TRHDE: variants seen among roughly 807,000 people sequenced by gnomAD.
TRHDE encodes the protein thyrotropin releasing hormone degrading enzyme, also known as thyrotropin-releasing hormone-degrading ectoenzyme.
A neutral mutation model predicts 125.7 loss-of-function variants in TRHDE; 72 were observed. That is an observed-to-expected ratio of 0.57 (90% CI 0.47 to 0.70). TRHDE has a LOEUF of 0.70. Among genes scored for constraint, TRHDE ranks in the 30% least tolerant of loss-of-function variants. The pLI, the probability that TRHDE is intolerant of heterozygous loss-of-function variation, is 0.00. For missense variants in TRHDE, 1,110 were observed against 1,327.1 expected (o/e 0.84, Z 2.54); for synonymous variants, 509 against 509.1 (o/e 1.00, Z 0.00).
chr12:72,411,133 G>T (rs1367837863), intron 3 of TRHDE, among the ~76,000 whole-genome samples: 1 of 151,338 alleles, frequency 6.6e-6, no homozygotes, highest in Non-Finnish European at 1.5e-5. Context: ...AACCCAGGAG[G>T]CGGAGCTTGC....
chr12:72,313,715 C>T (rs575576577), intron 2 of TRHDE, among the ~76,000 whole-genome samples: 2 of 152,112 alleles, frequency 1.3e-5, no homozygotes, highest in African/African-American at 2.4e-5. Context: ...TTCTACAAGT[C>T]TTGTGAAAGC....
At chr12:72,443,192 CTGTGTGTGTGTGTGTGTGTGTGTG>C in intron 3 of TRHDE, among the ~76,000 whole-genome samples, 1 of 144,532 alleles carries the variant, frequency 6.9e-6, no homozygotes, top group African/African-American at 2.5e-5. Context: ...TACTTCTTTC[CTGTGTGTGTGTGTGTGTGTGTGTG>C]TGTGTGTGTG....
chr12:72,569,902 A>T (rs1565793939), intron 10 of TRHDE, among the ~76,000 whole-genome samples: 1 of 151,942 alleles, frequency 6.6e-6, no homozygotes, highest in Non-Finnish European at 1.5e-5. Flanking sequence ...GTATTATTTG[A>T]TTTTGTATTT....
At chr12:72,145,450 A>G (rs1876206145) in intron 2 of TRHDE, among the ~76,000 whole-genome samples, 1 of 152,210 alleles carries the variant, frequency 6.6e-6, no homozygotes, top group Non-Finnish European at 1.5e-5. Flanking sequence ...ACAACACTGC[A>G]AAAATGCTAC....
chr12:72,318,278 T>C lies in TRHDE; in HGVS notation c.1188+31324T>C, dbSNP rs1868904675. On this transcript the variant is annotated intron_variant, in intron 2 of 18. Coordinates refer to ENST00000261180, the MANE Select transcript of TRHDE (RefSeq NM_013381.3). ...AATGAGGGTACATTCTAGATAAAGG[T>C]CTATCAGTAAACAGGAGAATACAGT... Among the ~76,000 whole-genome samples, 3 of 151,944 alleles carry C rather than the reference T, an allele frequency of 2.0e-5. No individual in the cohort carries two copies. The South Asian group carries it at 6.2e-4, about 32-fold the overall frequency.
At chr12:72,612,660 A>T (rs7309330) in intron 12 of TRHDE, among the ~76,000 whole-genome samples, 61,966 of 152,074 alleles carry the variant, frequency 0.41, 14,671 homozygotes, top group African/African-American at 0.65. Flanking sequence ...AGTAGACTGA[A>T]ATAAATTTAG....
At chr12:72,196,904 T>C (rs1877456771) in intron 2 of TRHDE, among the ~76,000 whole-genome samples, 1 of 152,118 alleles carries the variant, frequency 6.6e-6, no homozygotes, top group East Asian at 1.9e-4. Context: ...AAAAAAGTCC[T>C]CTAAATAGTA....
At chr12:72,628,517 T>C (rs757525589) in intron 15 of TRHDE, among the ~76,000 whole-genome samples, 17 of 151,920 alleles carry the variant, frequency 1.1e-4, no homozygotes, top group Non-Finnish European at 2.4e-4. Flanking sequence ...TTTTGCAAGC[T>C]AATTTTTAAT....
intron 18 of TRHDE, among the ~76,000 whole-genome samples, chr12:72,659,886 C>T (rs747067948): frequency 2.0e-5 from 3 of 151,962 alleles, no homozygotes; most frequent in Admixed American, 6.6e-5. Context: ...TCCCCGCTTG[C>T]GGAGACAAGA....
intron 6 of TRHDE, among the ~76,000 whole-genome samples, chr12:72,541,036 G>T (rs539527051): frequency 1.6e-4 from 24 of 151,492 alleles, no homozygotes; most frequent in Non-Finnish European, 3.2e-4. Context: ...AACAAACTGT[G>T]GAAATTCATT....
chr12:72,128,079 A>C (rs948540900), intron 2 of TRHDE, among the ~76,000 whole-genome samples: 1 of 152,096 alleles, frequency 6.6e-6, no homozygotes, highest in African/African-American at 2.4e-5. Context: ...TATTGATCAG[A>C]GCATATGTAT....
intron 2 of TRHDE, among the ~76,000 whole-genome samples, chr12:72,224,653 C>G (rs1479080587): frequency 1.3e-5 from 2 of 152,010 alleles, no homozygotes; most frequent in African/African-American, 4.8e-5. Context: ...GGGGGTTCCC[C>G]TGGATTGCCA....
At chr12:72,609,717 G>T (rs1872568790) in intron 12 of TRHDE, among the ~76,000 whole-genome samples, 1 of 152,088 alleles carries the variant, frequency 6.6e-6, no homozygotes, top group Non-Finnish European at 1.5e-5. Context: ...TTCTTTTTAA[G>T]TTGTTTGGTT....
intron 2 of TRHDE, among the ~76,000 whole-genome samples, chr12:72,222,427 CATCGTAGATCA>C (rs1878019580): frequency 6.6e-6 from 1 of 152,126 alleles, no homozygotes; most frequent in Non-Finnish European, 1.5e-5. Context: ...TGATAACTGG[CATCGTAGATCA>C]ATGATTTTCA....
intron 2 of TRHDE, among the ~76,000 whole-genome samples, chr12:72,300,619 G>C (rs1445711072): frequency 6.6e-6 from 1 of 151,594 alleles, no homozygotes; most frequent in African/African-American, 2.4e-5. Flanking sequence ...TAGCGTGTGT[G>C]TGTGTGTATA....
At chr12:72,328,481 T>A (rs1466291709) in intron 2 of TRHDE, among the ~76,000 whole-genome samples, 1 of 152,146 alleles carries the variant, frequency 6.6e-6, no homozygotes, top group East Asian at 1.9e-4. Flanking sequence ...TTTTGGATTA[T>A]TGATGATTTA....
intron 15 of TRHDE, among the ~76,000 whole-genome samples, chr12:72,642,597 T>C (rs1229812470): frequency 6.6e-6 from 1 of 152,190 alleles, no homozygotes; most frequent in African/African-American, 2.4e-5. Flanking sequence ...GGCTAACTCA[T>C]TGTTCATGTT....
At chr12:72,285,539 T>TG (rs1879850201) in intron 1 of TRHDE, among the ~76,000 whole-genome samples, 1 of 148,912 alleles carries the variant, frequency 6.7e-6, no homozygotes, top group Non-Finnish European at 1.5e-5. Flanking sequence ...TTTTTTTTTT[T>TG]GAGACAGGGT....
intron 3 of TRHDE, among the ~76,000 whole-genome samples, chr12:72,451,821 T>C (rs550418182): frequency 6.6e-6 from 1 of 152,146 alleles, no homozygotes; most frequent in African/African-American, 2.4e-5. Flanking sequence ...TTTTTCTTTC[T>C]TTTTGTTTGT....
Sources: allele counts gnomAD v4.1 joint callset (sites outside exome capture counted in the v4.1 genomes callset), GRCh38; gene constraint gnomAD v4.1.1; transcripts MANE v1.5; gene names NCBI Gene and HGNC (gene_info 2026-07-23, HGNC 2026-07-21).